The following PRKAR1A variants were observed in gnomAD, a reference collection of about 807,000 sequenced individuals.
PRKAR1A encodes cAMP-dependent protein kinase type I-alpha regulatory subunit.
In PRKAR1A, 3 loss-of-function variants were observed where a neutral mutation model predicts 52.0. That is an observed-to-expected ratio of 0.06 (90% confidence interval 0.03 to 0.15). The LOEUF is 0.15. Among genes scored for constraint, PRKAR1A ranks in the 10% least tolerant of loss-of-function variants. The pLI is 1.00. For missense variants in PRKAR1A, 240 were observed against 477.4 expected, an observed-to-expected ratio of 0.50 and a Z score of 4.63; for synonymous variants, 188 against 168.4, an observed-to-expected ratio of 1.12 and a Z score of -0.90.
At chr17:68,545,952 G>A (rs1362819664) in intron 11 of PRKAR1A, among the ~76,000 whole-genome samples, 2 of 152,004 alleles carry the variant, frequency 1.3e-5, no homozygotes, top group East Asian at 1.9e-4. Context: ...GGTGGATCAC[G>A]AGGTCAGGTG....
At chr17:68,518,856 G>C (rs1250003050) in intron 2 of PRKAR1A, among the ~76,000 whole-genome samples, 2 of 152,226 alleles carry the variant, frequency 1.3e-5, no homozygotes, top group Non-Finnish European at 2.9e-5. Flanking sequence ...TTCCTGCTTA[G>C]AAATTTCTTC....
the PRKAR1A span, among the ~76,000 whole-genome samples, chr17:68,432,538 G>A: frequency 2.0e-5 from 3 of 152,072 alleles, no homozygotes; most frequent in African/African-American, 7.2e-5. Flanking sequence ...CATGAGGTCC[G>A]CATGTGTCAG....
At chr17:68,537,672 C>G (rs754152049), downstream of PRKAR1A, 16 of 1,613,772 alleles carry the variant, frequency 9.9e-6, no homozygotes, top group Admixed American at 2.7e-4. The surrounding 1 kb of genome is among the most constrained non-coding windows in gnomAD (Gnocchi z 4.2). Flanking sequence ...GTGATTCTCG[C>G]ATCACATCGC....
the PRKAR1A span, among the ~76,000 whole-genome samples, chr17:68,486,430 TTTCCTTCC>T: frequency 2.0e-5 from 3 of 149,446 alleles, no homozygotes; most frequent in African/African-American, 7.4e-5. Context: ...CCTTCTTTCT[TTTCCTTCC>T]TTCCTTCCTT....
chr17:68,459,548 G>C, the PRKAR1A span, among the ~76,000 whole-genome samples: 1 of 152,172 alleles, frequency 6.6e-6, no homozygotes, highest in Non-Finnish European at 1.5e-5. Flanking sequence ...GTCTTTAGGG[G>C]ACTAATGTGA....
At chr17:68,417,932 A>G in the PRKAR1A span, among the ~76,000 whole-genome samples, 2 of 151,666 alleles carry the variant, frequency 1.3e-5, no homozygotes, top group South Asian at 2.1e-4. Flanking sequence ...GGGTTTTACC[A>G]TGTTGGCCAG....
chr17:68,438,898 C>T, the PRKAR1A span, among the ~76,000 whole-genome samples: 3 of 152,192 alleles, frequency 2.0e-5, no homozygotes, highest in Admixed American at 2.0e-4. Context: ...TCGTGCCTGG[C>T]CTAGCACATA....
intron 11 of PRKAR1A, chr17:68,543,756 G>A: frequency 6.4e-7 from 1 of 1,570,376 alleles, no homozygotes; most frequent in Non-Finnish European, 8.8e-7. Flanking sequence ...CCTGGACTCA[G>A]ACTTCAGCTG....
the PRKAR1A span, among the ~76,000 whole-genome samples, chr17:68,449,278 AGCACT>A: frequency 6.6e-6 from 1 of 152,222 alleles, no homozygotes; most frequent in Non-Finnish European, 1.5e-5. Flanking sequence ...GTATCTACCA[AGCACT>A]GCCTTTTCTA....
In PRKAR1A at chr17:68,532,848, A is replaced by G; in HGVS notation, c.*2399A>G. On this transcript the variant is annotated 3_prime_UTR_variant, in exon 11 of 11. Coordinates refer to ENST00000589228, the MANE Select transcript of PRKAR1A (RefSeq NM_002734.5). ...CCCCGAAAGTCTACTCGGGTGGGCA[A>G]AAATGAAAAGGGGGAAAGTGAATTA... 1 of 1,066,494 alleles carries G rather than the reference A, an allele frequency of 9.4e-7. No individual in the cohort carries two copies. 66.1% of individuals were successfully genotyped at this position (1,066,494 alleles called of 1,614,324 possible).
chr17:68,464,966 C>T, the PRKAR1A span, among the ~76,000 whole-genome samples: 6 of 148,348 alleles, frequency 4.0e-5, no homozygotes, highest in Admixed American at 6.7e-5. Context: ...TGCTCTGTTG[C>T]CCAGGCTGGA....
chr17:68,430,789 G>C, the PRKAR1A span, among the ~76,000 whole-genome samples: 1 of 152,174 alleles, frequency 6.6e-6, no homozygotes, highest in Admixed American at 6.5e-5. Flanking sequence ...ACAACCCCCA[G>C]CTCTGCCCCA....
downstream of PRKAR1A, chr17:68,537,689 T>G (rs758433003): frequency 1.1e-5 from 17 of 1,613,668 alleles, no homozygotes; most frequent in South Asian, 1.7e-4. The surrounding 1 kb of genome is among the most constrained non-coding windows in gnomAD (Gnocchi z 4.2). Flanking sequence ...TCGCTGAGTC[T>G]GTAGTCAGCT....
chr17:68,450,587 C>G, the PRKAR1A span: 8 of 1,159,002 alleles, frequency 6.9e-6, no homozygotes, highest in Non-Finnish European at 9.7e-6. Flanking sequence ...TACAATACCC[C>G]CGGGACACGG....
chr17:68,439,661 T>G, the PRKAR1A span, among the ~76,000 whole-genome samples: 7 of 152,216 alleles, frequency 4.6e-5, no homozygotes, highest in Non-Finnish European at 1.0e-4. Context: ...AAATTTTATT[T>G]TAAGGCATGT....
the PRKAR1A span, among the ~76,000 whole-genome samples, chr17:68,492,225 A>G: frequency 8.5e-5 from 13 of 152,280 alleles, no homozygotes; most frequent in African/African-American, 3.1e-4. Context: ...GAGACACAGG[A>G]AAACAGAAGA....
At chr17:68,470,821 GACA>G in the PRKAR1A span, among the ~76,000 whole-genome samples, 1 of 152,148 alleles carries the variant, frequency 6.6e-6, no homozygotes, top group African/African-American at 2.4e-5. Flanking sequence ...TCATTTCATA[GACA>G]AAGAAATGGA....
chr17:68,461,089 G>A, the PRKAR1A span, among the ~76,000 whole-genome samples: 8 of 152,274 alleles, frequency 5.3e-5, no homozygotes, highest in African/African-American at 1.9e-4. The surrounding 1 kb of genome is among the most constrained non-coding windows in gnomAD (Gnocchi z 4.6). Context: ...AAAGATAATG[G>A]GGTAGGTGGG....
chr17:68,550,431 A>T (rs962834559), intron 11 of PRKAR1A, among the ~76,000 whole-genome samples: 7 of 119,372 alleles, frequency 5.9e-5, no homozygotes, highest in African/African-American at 2.3e-4. Flanking sequence ...CCCAGGCTGG[A>T]GTGCAGTGGT....
Sources: gnomAD v4.1 joint callset for allele counts (sites outside exome capture counted in the v4.1 genomes callset) on GRCh38, gnomAD v4.1.1 for gene constraint, Gnocchi (gnomAD v3.1) non-coding constraint, MANE v1.5 for transcripts, NCBI Gene and HGNC (gene_info 2026-07-23, HGNC 2026-07-21) for gene names.